WWOX: variants seen among roughly 807,000 people sequenced by gnomAD.
WWOX encodes WW domain-containing oxidoreductase.
WWOX carries 69 observed loss-of-function variants against 46.2 expected under a neutral mutation model. The ratio of observed to expected loss-of-function variants is 1.49; its 90% CI spans 1.23 to 1.82. The LOEUF (loss-of-function observed/expected upper bound fraction) is 1.82. Among genes scored for constraint, WWOX ranks in the 40% most tolerant of loss-of-function variants. The pLI, the probability that WWOX is intolerant of heterozygous loss-of-function variation, is 0.00. For missense variants in WWOX, 919 were observed against 542.6 expected, an observed-to-expected ratio of 1.69 and a Z score of -6.89; for synonymous variants, 359 against 202.6, an observed-to-expected ratio of 1.77 and a Z score of -6.56.
intron 8 of WWOX, among the ~76,000 whole-genome samples, chr16:78,593,474 C>T (rs2045399375): frequency 1.3e-5 from 2 of 152,196 alleles, no homozygotes; most frequent in Admixed American, 6.5e-5. Flanking sequence ...AAATCAAAAC[C>T]ATTCCTACCA....
chr16:78,994,374 AGATAGGACGACACTTTT>A (rs2046946850), intron 8 of WWOX: 1 of 152,230 alleles, frequency 6.6e-6, no homozygotes, highest in Non-Finnish European at 1.5e-5. Flanking sequence ...AAGAAGAAGG[AGATAGGACGACACTTTT>A]GATACAAAGG....
chr16:79,151,307 G>A (rs949372359), intron 8 of WWOX, among the ~76,000 whole-genome samples: 5 of 152,132 alleles, frequency 3.3e-5, no homozygotes, highest in African/African-American at 4.8e-5. Flanking sequence ...ATTCTTTGTG[G>A]TGTGCTCCTG....
chr16:79,158,407 C>T (rs1415128761), intron 8 of WWOX, among the ~76,000 whole-genome samples: 7 of 152,214 alleles, frequency 4.6e-5, no homozygotes, highest in Non-Finnish European at 1.0e-4. Context: ...TGAATTGCAG[C>T]TGCAGGATCA....
At chr16:78,901,241 C>G (rs548724124) in intron 8 of WWOX, among the ~76,000 whole-genome samples, 1 of 152,284 alleles carries the variant, frequency 6.6e-6, no homozygotes, top group East Asian at 1.9e-4. Flanking sequence ...AAGCAATAGT[C>G]TGGCAATCAT....
At chr16:78,352,831 G>A (rs1316369390) in intron 5 of WWOX, among the ~76,000 whole-genome samples, 1 of 152,152 alleles carries the variant, frequency 6.6e-6, no homozygotes, top group Non-Finnish European at 1.5e-5. Context: ...GTATAGCAGA[G>A]TTAGATAGAT....
At chr16:78,616,076 A>G (rs111555348) in intron 8 of WWOX, among the ~76,000 whole-genome samples, 8 of 152,212 alleles carry the variant, frequency 5.3e-5, no homozygotes, top group African/African-American at 1.9e-4. Context: ...AGAAGATAAC[A>G]TTAGCTATTC....
intron 8 of WWOX, among the ~76,000 whole-genome samples, chr16:78,592,244 C>G (rs1223388315): frequency 6.6e-6 from 1 of 152,118 alleles, no homozygotes; most frequent in African/African-American, 2.4e-5. Context: ...TTTACTGTGT[C>G]ACTTTTTAGA....
intron 8 of WWOX, among the ~76,000 whole-genome samples, chr16:78,998,622 A>G (rs1022214075): frequency 6.6e-6 from 1 of 152,238 alleles, no homozygotes; most frequent in African/African-American, 2.4e-5. Flanking sequence ...CAATAGGTGT[A>G]ATAGTAAAAA....
At chr16:78,243,311 C>T (rs1160617573) in intron 5 of WWOX, among the ~76,000 whole-genome samples, 1 of 152,146 alleles carries the variant, frequency 6.6e-6, no homozygotes, top group East Asian at 1.9e-4. Context: ...TCTGCAGTAA[C>T]TGATGTGATA....
intron 8 of WWOX, among the ~76,000 whole-genome samples, chr16:78,818,614 C>T (rs898215473): frequency 2.0e-5 from 3 of 152,184 alleles, no homozygotes; most frequent in African/African-American, 7.2e-5. Flanking sequence ...GCCTGTAGTC[C>T]TAGCTACTCA....
intron 8 of WWOX, among the ~76,000 whole-genome samples, chr16:78,475,566 T>G (rs1292111373): frequency 6.6e-6 from 1 of 152,150 alleles, no homozygotes; most frequent in East Asian, 1.9e-4. Context: ...TGATGGACAA[T>G]GAGTACTCAC....
At chr16:78,746,147 G>T (rs916264778) in intron 8 of WWOX, among the ~76,000 whole-genome samples, 3 of 152,100 alleles carry the variant, frequency 2.0e-5, no homozygotes, top group Admixed American at 1.3e-4. Context: ...GATGAACCAT[G>T]GGTGGTTTGG....
chr16:78,810,498 T>A (rs2051160173), intron 8 of WWOX, among the ~76,000 whole-genome samples: 1 of 152,236 alleles, frequency 6.6e-6, no homozygotes, highest in African/African-American at 2.4e-5. Flanking sequence ...CTGTATCACT[T>A]GAGATTCTTG....
intron 8 of WWOX, among the ~76,000 whole-genome samples, chr16:78,860,363 T>G (rs1237766578): frequency 6.6e-6 from 1 of 152,194 alleles, no homozygotes; most frequent in African/African-American, 2.4e-5. Context: ...ATATAACGTC[T>G]GTTCTGAGCA....
intron 5 of WWOX, among the ~76,000 whole-genome samples, chr16:78,290,534 C>G (rs1038499463): frequency 6.6e-6 from 1 of 152,046 alleles, no homozygotes; most frequent in Admixed American, 6.6e-5. Context: ...TGCAAGGGAC[C>G]GTATTTATGA....
intron 8 of WWOX, among the ~76,000 whole-genome samples, chr16:78,786,866 G>C (rs895884998): frequency 8.5e-5 from 13 of 152,180 alleles, no homozygotes; most frequent in Non-Finnish European, 1.8e-4. Context: ...ACCACTTTGG[G>C]GCTGGGCGTG....
At chr16:78,815,894 A>G (rs1462724618) in intron 8 of WWOX, among the ~76,000 whole-genome samples, 2 of 152,106 alleles carry the variant, frequency 1.3e-5, no homozygotes, top group African/African-American at 4.8e-5. Flanking sequence ...CAAGATATAT[A>G]CAGGGCTCAG....
chr16:78,230,150 G>C (rs577429850), intron 5 of WWOX, among the ~76,000 whole-genome samples: 25 of 124,330 alleles, frequency 2.0e-4, no homozygotes, highest in African/African-American at 8.4e-4. Flanking sequence ...AAAGTGTTGG[G>C]ATTACAGGCG....
intron 8 of WWOX, among the ~76,000 whole-genome samples, chr16:78,534,952 T>C (rs2043722640): frequency 6.6e-6 from 1 of 152,108 alleles, no homozygotes; most frequent in East Asian, 1.9e-4. Context: ...TACCTCATGA[T>C]CTGTTCGTCT....
Sources: allele counts gnomAD v4.1 joint callset (sites outside exome capture counted in the v4.1 genomes callset), GRCh38; gene constraint gnomAD v4.1.1; transcripts MANE v1.5; gene names NCBI Gene and HGNC (gene_info 2026-07-23, HGNC 2026-07-21).